SCFD2: variants seen among roughly 807,000 people sequenced by gnomAD.
SCFD2 encodes sec1 family domain-containing protein 2.
SCFD2 carries 54 observed loss-of-function variants against 58.9 expected under a neutral mutation model. That is an observed-to-expected ratio of 0.92 (90% confidence interval 0.74 to 1.15). The LOEUF is 1.15. Ranked by LOEUF, SCFD2 falls within the 50% of genes most tolerant of loss-of-function variation. SCFD2 has a pLI of 0.00. For missense variants in SCFD2, 805 were observed against 836.6 expected (o/e 0.96, Z 0.47); for synonymous variants, 321 against 335.9 (o/e 0.96, Z 0.49).
chr4:53,227,372 A>G (rs917378247), intron 4 of SCFD2, among the ~76,000 whole-genome samples: 121 of 152,290 alleles, frequency 7.9e-4, no homozygotes, highest in African/African-American at 2.8e-3. Flanking sequence ...CTGTGTAGCC[A>G]ATGTTCACAA....
chr4:53,024,924 C>T (rs1480662716), intron 5 of SCFD2, among the ~76,000 whole-genome samples: 2 of 152,096 alleles, frequency 1.3e-5, no homozygotes, highest in African/African-American at 4.8e-5. Context: ...CTCTTGACTC[C>T]CCCTAGAATA....
Position 52,885,834 on chromosome 4 carries a change from G to A in SCFD2, c.1875C>T (p.Leu625=), listed in dbSNP as rs185778506. 4.3e-6 allele frequency: 7 copies of A among 1,614,162 alleles called. No individual in the cohort carries two copies. The African/African-American group carries it at 9.3e-5, about 22-fold the overall frequency. The stretch of plus-strand genomic sequence containing the variant: ...CCCCACCTACCACAAAGAGGATCAG[G>A]AGGGGGTAGTCACTAGGATGAGGCC... ...VSRPHPSDYP[L]LILFVVGGVT... The change falls in exon 8 of 9, where the codon CTC becomes CTT. Residue 625 remains leucine, a synonymous_variant. Coordinates refer to ENST00000401642, the MANE Select transcript of SCFD2 (RefSeq NM_152540.4).
intron 4 of SCFD2, among the ~76,000 whole-genome samples, chr4:53,257,874 A>C (rs569082541): frequency 6.6e-6 from 1 of 151,888 alleles, no homozygotes; most frequent in Non-Finnish European, 1.5e-5. Flanking sequence ...TCTCTTTTTT[A>C]AAAAAAACCT....
At chr4:52,911,696 C>CT (rs1454824622) in intron 6 of SCFD2, among the ~76,000 whole-genome samples, 1 of 152,180 alleles carries the variant, frequency 6.6e-6, no homozygotes, top group Non-Finnish European at 1.5e-5. Flanking sequence ...TGCATTCTCT[C>CT]TGATTATCTT....
Position 52,893,574 on chromosome 4 carries a change from G to T in SCFD2, c.1843-7708C>A, listed in dbSNP as rs139994804. ...GCCAACAATCTCCCCTGCCCACATG[G>T]TCATAGGAAAGGCTCCTAGCATCCA... On this transcript the variant is annotated intron_variant, in intron 7 of 8. Coordinates refer to ENST00000401642, the MANE Select transcript of SCFD2 (RefSeq NM_152540.4). Among the ~76,000 whole-genome samples, 25 of 152,250 alleles carry T rather than the reference G, an allele frequency of 1.6e-4. No homozygotes were observed. In the East Asian group the frequency reaches 3.7e-3, roughly 22 times the overall value.
chr4:53,238,546 C>G (rs755688983), intron 4 of SCFD2, among the ~76,000 whole-genome samples: 2 of 151,250 alleles, frequency 1.3e-5, no homozygotes, highest in Non-Finnish European at 3.0e-5. Flanking sequence ...CGGGCGGAGA[C>G]GCTCCTCACT....
chr4:53,121,254 G>A (rs763225290), intron 5 of SCFD2, among the ~76,000 whole-genome samples: 5 of 152,154 alleles, frequency 3.3e-5, no homozygotes, highest in Non-Finnish European at 5.9e-5. Context: ...GGGCCCACAC[G>A]TAATACAAGA....
intron 3 of SCFD2, 95 bp from the exon 4 acceptor site, chr4:53,274,096 G>A: frequency 1.8e-6 from 2 of 1,111,896 alleles, no homozygotes; most frequent in Admixed American, 2.7e-5. Flanking sequence ...TTGTATTTGG[G>A]CAGAACTTCA....
At chr4:53,081,822 T>G (rs1336719419) in intron 5 of SCFD2, among the ~76,000 whole-genome samples, 13 of 152,066 alleles carry the variant, frequency 8.5e-5, no homozygotes, top group African/African-American at 2.4e-4. Flanking sequence ...TAGTTGTCAT[T>G]CCCCATGTCC....
At chr4:53,087,179 T>C (rs1395822234) in intron 5 of SCFD2, among the ~76,000 whole-genome samples, 1 of 152,196 alleles carries the variant, frequency 6.6e-6, no homozygotes, top group East Asian at 1.9e-4. Flanking sequence ...AAATTCTTTT[T>C]AAAATTGAAG....
In SCFD2 at chr4:53,155,334, G is replaced by C. The variant is rs142025773; in HGVS notation, c.1312-9752C>G. On this transcript the variant is annotated intron_variant, in intron 4 of 8. Coordinates refer to ENST00000401642, the MANE Select transcript of SCFD2 (RefSeq NM_152540.4). Reference sequence around the variant, plus strand: ...TACCCTCATGGGTGGGACTGGTGCAGTTATAAAGCAGCAAATTCAGCCCTC... The same window carrying C: ...TACCCTCATGGGTGGGACTGGTGCACTTATAAAGCAGCAAATTCAGCCCTC... Among the ~76,000 whole-genome samples the C allele has an allele frequency of 3.9e-3, 589 of 152,330 alleles. 3 individuals are homozygous for C. Among genetic ancestry groups the C allele is most frequent in the Non-Finnish European group, 5.5e-3 (373 of 68,040 alleles).
At chr4:53,044,293 G>A (rs1484174197) in intron 5 of SCFD2, among the ~76,000 whole-genome samples, 1 of 151,806 alleles carries the variant, frequency 6.6e-6, no homozygotes, top group East Asian at 1.9e-4. Context: ...TTTCACAGTT[G>A]TCAGATTTAC....
At chr4:53,303,058 G>A (rs918855484) in intron 3 of SCFD2, among the ~76,000 whole-genome samples, 15 of 152,090 alleles carry the variant, frequency 9.9e-5, no homozygotes, top group East Asian at 3.9e-4. Context: ...CTTCATGTCT[G>A]AAACACCAAA....
chr4:53,295,699 A>C (rs1052718485), intron 3 of SCFD2, among the ~76,000 whole-genome samples: 5 of 152,186 alleles, frequency 3.3e-5, no homozygotes, highest in African/African-American at 1.2e-4. Flanking sequence ...GAGAGAGGGC[A>C]TACTTGTCTT....
At chr4:52,879,946 T>C (rs1280724685) in intron 8 of SCFD2, among the ~76,000 whole-genome samples, 1 of 152,246 alleles carries the variant, frequency 6.6e-6, no homozygotes, top group Admixed American at 6.5e-5. Context: ...CCAACATGCA[T>C]ATTCATTCGA....
Position 53,272,714 on chromosome 4 carries a change from A to C in SCFD2, c.1311+1112T>G, listed in dbSNP as rs1270970640. 2.1e-5 allele frequency among the ~76,000 whole-genome samples: 3 copies of C among 143,978 alleles called. No individual in the cohort carries two copies. In the Admixed American group the frequency reaches 2.1e-4, roughly 10 times the overall value. 94.5% of individuals were successfully genotyped at this position (143,978 alleles called of 152,430 possible). A position where few individuals can be genotyped will look rare whatever the true frequency, so the allele number is the denominator to read the frequency against. ...CGGGGCCTGTTGTGGGGTGGGGGGA[A>C]GGGGAGAGGGATAGCATTAGGAGAT... On this transcript the variant is annotated intron_variant, in intron 4 of 8. Transcript: ENST00000401642.
intron 5 of SCFD2, among the ~76,000 whole-genome samples, chr4:52,966,940 T>A (rs930835256): frequency 6.6e-6 from 1 of 152,162 alleles, no homozygotes; most frequent in Non-Finnish European, 1.5e-5. Context: ...CCACCATCCA[T>A]CTCTGGAACT....
At chr4:53,216,133 T>G (rs1481123242) in intron 4 of SCFD2, among the ~76,000 whole-genome samples, 2 of 152,206 alleles carry the variant, frequency 1.3e-5, no homozygotes, top group Non-Finnish European at 2.9e-5. Flanking sequence ...TCTGCCAGCC[T>G]TTGGTGTCAG....
At chr4:53,235,478 T>C (rs1250055847) in intron 4 of SCFD2, among the ~76,000 whole-genome samples, 6 of 152,218 alleles carry the variant, frequency 3.9e-5, no homozygotes, top group Admixed American at 2.0e-4. Context: ...GACATACTCA[T>C]GAATAAAGTA....
Sources: allele counts gnomAD v4.1 joint callset (sites outside exome capture counted in the v4.1 genomes callset), GRCh38; gene constraint gnomAD v4.1.1; transcripts MANE v1.5; gene names NCBI Gene and HGNC (gene_info 2026-07-23, HGNC 2026-07-21).